PKD2L1: variants seen among roughly 807,000 people sequenced by gnomAD.
PKD2L1 encodes polycystin-2-like protein 1.
PKD2L1 carries 77 observed loss-of-function variants against 93.0 expected under a neutral mutation model. The observed-to-expected ratio is 0.83, with a 90% CI of 0.69 to 1.00. The LOEUF (loss-of-function observed/expected upper bound fraction) is 1.00, where lower values mean the gene tolerates loss of function less well. PKD2L1 is among the 50% of genes least tolerant of loss of function. The pLI, the probability that PKD2L1 is intolerant of heterozygous loss-of-function variation, is 0.00. For missense variants in PKD2L1, 977 were observed against 990.9 expected (o/e 0.99, Z 0.19); for synonymous variants, 390 against 388.0 (o/e 1.01, Z -0.06).
At chr10:100,298,938 G>T (rs1347327277) in intron 3 of PKD2L1, 123 bp from the exon 4 acceptor site, 1 of 655,636 alleles carries the variant, frequency 1.5e-6, no homozygotes, top group Non-Finnish European at 2.3e-6. Context: ...AAAAATTATT[G>T]TTATTATTAT....
chr10:100,288,998 C>G lies in PKD2L1; in HGVS notation c.2309G>C (p.Trp770Ser). Residue 770 changes from tryptophan to serine, a missense_variant, in exon 15 of 16, where the codon TGG (tryptophan) becomes TCG (serine). Coordinates refer to ENST00000318222, the MANE Select transcript of PKD2L1 (RefSeq NM_016112.3). ...ACTCTCCTGCCCACCCTGGACTCCC[C>G]AGGGGTCTGGGGTCACAGCTGGGGC... The part of the protein sequence containing the change: ...QPAPAVTPDP[W>S]GVQGGQESEV... 1.2e-6 allele frequency: 2 copies of G among 1,611,536 alleles called. No homozygotes were observed. The highest frequency in any genetic ancestry group is 1.7e-6 in the Non-Finnish European group (2 of 1,178,462).
chr10:100,298,221 C>A (rs910833730), intron 4 of PKD2L1, among the ~76,000 whole-genome samples: 1 of 152,208 alleles, frequency 6.6e-6, no homozygotes. Flanking sequence ...TTGGGTTCTT[C>A]AATTTCACCC....
In PKD2L1 at chr10:100,325,728, T is replaced by G. The variant is rs185105519; in HGVS notation, c.349+3483A>C. ...TTCTTCCTTCCTCACCCTCCACTGC[T>G]GGCTGGGTTATGATGCCACATTTAT... On this transcript the variant is annotated intron_variant, in intron 2 of 15. Transcript: ENST00000318222. Among the ~76,000 whole-genome samples, 615 of 152,344 alleles carry G rather than the reference T, an allele frequency of 4.0e-3. 2 individuals are homozygous for G. The highest frequency in any genetic ancestry group is 6.6e-3 in the Non-Finnish European group (451 of 68,026).
At chr10:100,327,433 G>A (rs1393745284) in intron 2 of PKD2L1, among the ~76,000 whole-genome samples, 1 of 152,214 alleles carries the variant, frequency 6.6e-6, no homozygotes, top group Non-Finnish European at 1.5e-5. Context: ...AGAAAGCAGA[G>A]AACATGAGTG....
intron 2 of PKD2L1, among the ~76,000 whole-genome samples, chr10:100,319,312 A>G (rs1287541180): frequency 6.6e-6 from 1 of 152,234 alleles, no homozygotes; most frequent in African/African-American, 2.4e-5. Flanking sequence ...CAAGGTTTAG[A>G]ATGATTTAAG....
At chr10:100,299,810 G>C in intron 2 of PKD2L1, 92 bp from the exon 3 acceptor site, 3 of 1,154,026 alleles carry the variant, frequency 2.6e-6, no homozygotes, top group Non-Finnish European at 3.9e-6. Context: ...ATGCTTCCAA[G>C]ATGGAAGCCC....
chr10:100,295,995 C>T (rs1237685450), intron 7 of PKD2L1, 127 bp downstream of exon 7: 111 of 770,580 alleles, frequency 1.4e-4, no homozygotes, highest in Non-Finnish European at 2.1e-4. Context: ...AAGATCGCCC[C>T]CACTTCACTC....
intron 2 of PKD2L1, among the ~76,000 whole-genome samples, chr10:100,324,563 G>A (rs1039927061): frequency 4.6e-5 from 7 of 152,034 alleles, no homozygotes; most frequent in African/African-American, 1.5e-4. Flanking sequence ...TCTCTTGAAA[G>A]GTATTTTTTT....
chr10:100,308,347 T>C (rs1434459850), intron 2 of PKD2L1, among the ~76,000 whole-genome samples: 1 of 152,102 alleles, frequency 6.6e-6, no homozygotes, highest in Non-Finnish European at 1.5e-5. Context: ...TTTTTTTTTT[T>C]TCTCGAGATG....
rs559328806 is a variant in PKD2L1, at chr10:100,307,127, A to G, written c.350-7409T>C. Among the ~76,000 whole-genome samples, 9 of 152,288 alleles carry G rather than the reference A, an allele frequency of 5.9e-5. No individual in the cohort carries two copies. The South Asian group carries it at 1.9e-3, about 32-fold the overall frequency. ...ATCAGGAGAAAGAAAGGACAAGACTAGACACCTATTGCCTCAAAACACCTA... is the reference window on the plus strand; with the variant it reads ...ATCAGGAGAAAGAAAGGACAAGACTGGACACCTATTGCCTCAAAACACCTA... On this transcript the variant is annotated intron_variant, in intron 2 of 15. Transcript: ENST00000318222.
chr10:100,322,737 G>A lies in PKD2L1; in HGVS notation c.349+6474C>T, dbSNP rs868826728. ...CTCTGCTTCTATTAGGGTAGGGCAC[G>A]GAGTGGTCCTTGCTAAGATGTTGAT... On this transcript the variant is annotated intron_variant, in intron 2 of 15. Transcript: ENST00000318222. 2.0e-5 allele frequency among the ~76,000 whole-genome samples: 3 copies of A among 152,300 alleles called. No individual in the cohort carries two copies. In the Middle Eastern group the frequency reaches 0.01, roughly 518 times the overall value.
At chr10:100,300,009 C>T (rs1425220628) in intron 2 of PKD2L1, among the ~76,000 whole-genome samples, 3 of 152,198 alleles carry the variant, frequency 2.0e-5, no homozygotes, top group African/African-American at 7.2e-5. Flanking sequence ...CTTTTCTTTT[C>T]CTGAACCAGC....
chr10:100,328,053 T>A (rs1320774038), intron 2 of PKD2L1, among the ~76,000 whole-genome samples: 3 of 152,198 alleles, frequency 2.0e-5, no homozygotes, highest in Non-Finnish European at 4.4e-5. Flanking sequence ...GAACACCTAC[T>A]AATGAGGGCA....
In PKD2L1 at chr10:100,289,932, T is replaced by C. The variant is rs1393934704; in HGVS notation, c.2250+83A>G. 6 of 1,503,098 alleles carry C rather than the reference T, an allele frequency of 4.0e-6. No homozygotes were observed. The South Asian group carries it at 5.7e-5, about 14-fold the overall frequency. The allele number at this position is 1,503,098 out of a possible 1,614,324, so 93.1% of individuals were successfully genotyped here. ...CCTGAAAACATAGGTCTTTCAAAAA[T>C]GTTCTTGCCCCACCCACTGAGTGGA... On this transcript the variant is annotated intron_variant, in intron 14 of 15. Transcript: ENST00000318222.
intron 9 of PKD2L1, 127 bp downstream of exon 9, chr10:100,294,408 A>G: frequency 4.1e-6 from 4 of 986,374 alleles, no homozygotes; most frequent in Non-Finnish European, 6.2e-6. Flanking sequence ...AGATCCAGAC[A>G]TCGGCCCCCC....
intron 2 of PKD2L1, among the ~76,000 whole-genome samples, chr10:100,314,411 G>C (rs1849015907): frequency 6.6e-6 from 1 of 152,176 alleles, no homozygotes; most frequent in African/African-American, 2.4e-5. Flanking sequence ...ACAGACCAGT[G>C]CCTGGGGAGA....
At chr10:100,308,139 T>C (rs1217849893) in intron 2 of PKD2L1, among the ~76,000 whole-genome samples, 1 of 152,144 alleles carries the variant, frequency 6.6e-6, no homozygotes, top group Non-Finnish European at 1.5e-5. Context: ...ATTAAATTCT[T>C]CTGTACACAC....
Position 100,299,735 on chromosome 10 carries a change from G to A in PKD2L1, c.350-17C>T. ...CATAGGTCACTAGAAAACAACCCAA[G>A]AGGCTATGTCCTTCTCACTGTTCCC... On this transcript the variant is annotated splice_polypyrimidine_tract_variant and intron_variant, in intron 2 of 15. Coordinates refer to ENST00000318222, the MANE Select transcript of PKD2L1 (RefSeq NM_016112.3). 1 of 1,612,490 alleles carries A rather than the reference G, an allele frequency of 6.2e-7. No individual in the cohort carries two copies. Among genetic ancestry groups the A allele is most frequent in the Non-Finnish European group, 8.5e-7 (1 of 1,178,574 alleles).
intron 2 of PKD2L1, among the ~76,000 whole-genome samples, chr10:100,301,834 T>C (rs553920400): frequency 2.6e-4 from 40 of 152,194 alleles, no homozygotes; most frequent in Admixed American, 8.5e-4. Flanking sequence ...AAGTGATAAA[T>C]GTCCATGAAA....
Sources: allele counts gnomAD v4.1 joint callset (sites outside exome capture counted in the v4.1 genomes callset), GRCh38; gene constraint gnomAD v4.1.1; transcripts MANE v1.5; gene names NCBI Gene and HGNC (gene_info 2026-07-23, HGNC 2026-07-21).